The following KIAA0232 variants were observed in gnomAD, a reference collection of about 807,000 sequenced individuals.
The protein encoded by KIAA0232 is uncharacterized protein KIAA0232.
KIAA0232 carries 27 observed loss-of-function variants against 122.0 expected under a neutral mutation model. The ratio of observed to expected loss-of-function variants is 0.22; its 90% CI spans 0.16 to 0.31. The LOEUF is 0.31. KIAA0232 is among the 10% of genes least tolerant of loss of function. The pLI, the probability that KIAA0232 is intolerant of heterozygous loss-of-function variation, is 1.00. For missense variants in KIAA0232, 1,551 were observed against 1,634.2 expected (o/e 0.95, Z 0.88); for synonymous variants, 613 against 587.6 (o/e 1.04, Z -0.63).
intron 7 of KIAA0232, among the ~76,000 whole-genome samples, chr4:6,868,391 T>G (rs1376067487): frequency 1.3e-5 from 2 of 152,196 alleles, no homozygotes; most frequent in African/African-American, 4.8e-5. Flanking sequence ...GAGCTGACAA[T>G]AAACATGTTA....
intron 3 of KIAA0232, among the ~76,000 whole-genome samples, chr4:6,825,552 C>G (rs1449561029): frequency 6.6e-6 from 1 of 151,736 alleles, no homozygotes; most frequent in Non-Finnish European, 1.5e-5. Flanking sequence ...AAGACCCTGT[C>G]TCTCTCTCGC....
chr4:6,872,457 T>G (rs779341483), intron 8 of KIAA0232, among the ~76,000 whole-genome samples: 4 of 152,002 alleles, frequency 2.6e-5, no homozygotes, highest in Non-Finnish European at 4.4e-5. Flanking sequence ...GAGGAAGATT[T>G]TAGTTTAGGG....
chr4:6,821,604 A>G (rs1480554607), intron 2 of KIAA0232, among the ~76,000 whole-genome samples: 2 of 152,018 alleles, frequency 1.3e-5, no homozygotes, highest in East Asian at 1.9e-4. Context: ...ATATACACAC[A>G]TATATACACA....
At chr4:6,818,455 C>A (rs1718244810) in intron 2 of KIAA0232, among the ~76,000 whole-genome samples, 1 of 149,936 alleles carries the variant, frequency 6.7e-6, no homozygotes, top group East Asian at 2.0e-4. Flanking sequence ...TTCAGTGATT[C>A]CTTCAAGAGA....
At chr4:6,784,362 C>A (rs991752340) in intron 1 of KIAA0232, among the ~76,000 whole-genome samples, 2 of 151,916 alleles carry the variant, frequency 1.3e-5, no homozygotes, top group East Asian at 3.8e-4. Context: ...CTAGATTCTT[C>A]CTATGCAAAA....
At chr4:6,858,770 T>G (rs1720694769) in intron 6 of KIAA0232, among the ~76,000 whole-genome samples, 1 of 152,190 alleles carries the variant, frequency 6.6e-6, no homozygotes, top group African/African-American at 2.4e-5. Flanking sequence ...ATGTATGTAC[T>G]ATTACCTTTA....
At chr4:6,792,682 T>TG (rs1716948911) in intron 1 of KIAA0232, among the ~76,000 whole-genome samples, 1 of 119,992 alleles carries the variant, frequency 8.3e-6, no homozygotes, top group African/African-American at 3.4e-5. Flanking sequence ...TAGTCTTAGG[T>TG]TTTTTTTTTT....
intron 4 of KIAA0232, among the ~76,000 whole-genome samples, chr4:6,850,141 G>C (rs1034013315): frequency 1.3e-5 from 2 of 152,166 alleles, no homozygotes; most frequent in South Asian, 2.1e-4. Flanking sequence ...CTGAGAGTGA[G>C]GCACTATAAA....
chr4:6,859,538 A>C, intron 6 of KIAA0232, among the ~76,000 whole-genome samples: 1 of 152,384 alleles, frequency 6.6e-6, no homozygotes, highest in East Asian at 1.9e-4. Context: ...TATTGATTAC[A>C]TGTTGAAATG....
At chr4:6,873,322 G>GTA (rs1721592169) in intron 8 of KIAA0232, among the ~76,000 whole-genome samples, 1 of 152,224 alleles carries the variant, frequency 6.6e-6, no homozygotes, top group Non-Finnish European at 1.5e-5. Context: ...CCTGCACTTG[G>GTA]TACCAAGGTA....
chr4:6,833,051 A>G (rs1451036032), intron 3 of KIAA0232, among the ~76,000 whole-genome samples: 1 of 152,178 alleles, frequency 6.6e-6, no homozygotes, highest in South Asian at 2.1e-4. Flanking sequence ...CCTTCAGCCT[A>G]TTTGTAACAT....
intron 1 of KIAA0232, among the ~76,000 whole-genome samples, chr4:6,787,670 C>T (rs1716690079): frequency 6.6e-6 from 1 of 152,206 alleles, no homozygotes; most frequent in Non-Finnish European, 1.5e-5. Flanking sequence ...CCTACCCTCC[C>T]TGAAGCTCTT....
At chr4:6,794,469 G>A (rs758839336) in intron 1 of KIAA0232, among the ~76,000 whole-genome samples, 5 of 152,172 alleles carry the variant, frequency 3.3e-5, no homozygotes, top group Non-Finnish European at 2.9e-5. Context: ...TGTCCTGGTG[G>A]GTGTGGGTAG....
intron 9 of KIAA0232, among the ~76,000 whole-genome samples, chr4:6,880,449 T>A (rs1320923404): frequency 6.6e-6 from 1 of 151,746 alleles, no homozygotes; most frequent in Non-Finnish European, 1.5e-5. Context: ...CCAGCGAGCC[T>A]GGCATGCGCC....
chr4:6,841,947 G>A (rs987140318), intron 3 of KIAA0232, 120 bp from the exon 4 acceptor site: 14 of 1,148,790 alleles, frequency 1.2e-5, no homozygotes, highest in African/African-American at 8.0e-5. Context: ...TAGACAAGCC[G>A]ATCCTAAAAC....
chr4:6,813,867 C>G (rs958911708), intron 2 of KIAA0232, among the ~76,000 whole-genome samples: 1 of 152,076 alleles, frequency 6.6e-6, no homozygotes, highest in African/African-American at 2.4e-5. Context: ...TGCAGGGTTT[C>G]CTGGGGGCTG....
chr4:6,863,006 A>C lies in KIAA0232; in HGVS notation c.2624A>C (p.Asp875Ala), dbSNP rs751126233. 6.2e-7 allele frequency: 1 copy of C among 1,614,102 alleles called. No homozygotes were observed. Among genetic ancestry groups the C allele is most frequent in the African/African-American group, 1.3e-5 (1 of 74,928 alleles). Residue 875 changes from aspartate to alanine, a missense_variant, in exon 7 of 10, where the codon GAT becomes GCT. Asp to Ala is a moderately radical substitution (Grantham distance 126). Transcript: ENST00000307659. ...EAELETLQEP[D>A]KAVRRSEYHL... ...GAACTGGAGACCCTTCAGGAGCCTG[A>C]TAAGGCTGTGCGGAGGTCAGAGTAC...
intron 2 of KIAA0232, among the ~76,000 whole-genome samples, chr4:6,813,258 T>C (rs1399613216): frequency 6.6e-6 from 1 of 152,168 alleles, no homozygotes; most frequent in Non-Finnish European, 1.5e-5. Flanking sequence ...AAAAAACCCT[T>C]CATTATTAAA....
intron 3 of KIAA0232, among the ~76,000 whole-genome samples, chr4:6,834,005 GT>G (rs1719132479): frequency 6.6e-6 from 1 of 152,170 alleles, no homozygotes; most frequent in South Asian, 2.1e-4. Flanking sequence ...GAAGACCTGT[GT>G]TCTAACCCCA....
Sources: allele counts gnomAD v4.1 joint callset (sites outside exome capture counted in the v4.1 genomes callset), GRCh38; gene constraint gnomAD v4.1.1; transcripts MANE v1.5; gene names NCBI Gene and HGNC (gene_info 2026-07-23, HGNC 2026-07-21).